The following RAP1GAP2 variants were observed in gnomAD, a reference collection of about 807,000 sequenced individuals.
RAP1GAP2 encodes the protein rap1 GTPase-activating protein 2.
RAP1GAP2 carries 27 observed loss-of-function variants against 95.0 expected under a neutral mutation model. The observed-to-expected ratio is 0.28, with a 90% CI of 0.21 to 0.39. RAP1GAP2 has a LOEUF of 0.39. Among genes scored for constraint, RAP1GAP2 ranks in the 10% least tolerant of loss-of-function variants. The pLI is 1.00. For missense variants in RAP1GAP2, 771 were observed against 970.0 expected (o/e 0.79, Z 2.72); for synonymous variants, 373 against 380.9 (o/e 0.98, Z 0.24).
intron 8 of RAP1GAP2, among the ~76,000 whole-genome samples, chr17:2,975,230 C>CA (rs995128103): frequency 4.6e-4 from 66 of 143,556 alleles, no homozygotes; most frequent in Admixed American, 2.2e-3. Context: ...GACTGCGTCT[C>CA]AAAAAAAAGA....
rs147088465 is a variant in RAP1GAP2 at position 2,932,005 on chromosome 17, T to G, written c.166-25754T>G. Reference sequence around the variant, plus strand: ...CAGCACAAAGATATATAATGATATATTCAGTTCTCAGTCCGGCGCATTTGA... The same window carrying G: ...CAGCACAAAGATATATAATGATATAGTCAGTTCTCAGTCCGGCGCATTTGA... On this transcript the variant is annotated intron_variant, in intron 3 of 24. Coordinates refer to ENST00000254695, the MANE Select transcript of RAP1GAP2 (RefSeq NM_015085.5). Among the ~76,000 whole-genome samples, 149 of 152,302 alleles carry G rather than the reference T, an allele frequency of 9.8e-4. 1 individual carries two copies. The highest frequency in any genetic ancestry group is 3.2e-3 in the African/African-American group (131 of 41,570).
At chr17:2,820,909 T>TG (rs2070272029) in intron 2 of RAP1GAP2, among the ~76,000 whole-genome samples, 1 of 146,718 alleles carries the variant, frequency 6.8e-6, no homozygotes, top group Non-Finnish European at 1.5e-5. Context: ...TTTTTTTTTT[T>TG]GTATTTTTAG....
At chr17:2,778,494 CT>C (rs2068560602) in intron 1 of RAP1GAP2, among the ~76,000 whole-genome samples, 1 of 152,090 alleles carries the variant, frequency 6.6e-6, no homozygotes, top group Non-Finnish European at 1.5e-5. Context: ...GACCCTGCTG[CT>C]GGAGGCACGC....
chr17:2,843,719 C>T (rs571152324), intron 2 of RAP1GAP2, among the ~76,000 whole-genome samples: 10 of 152,214 alleles, frequency 6.6e-5, no homozygotes, highest in Admixed American at 2.0e-4. Flanking sequence ...ACAAGAGCTT[C>T]GCCTTCCCAG....
At chr17:2,841,977 T>G (rs1386139794) in intron 2 of RAP1GAP2, among the ~76,000 whole-genome samples, 1 of 152,144 alleles carries the variant, frequency 6.6e-6, no homozygotes, top group East Asian at 1.9e-4. Context: ...CCTGTGCAAC[T>G]GGCCCTGTGG....
In RAP1GAP2 at chr17:2,867,325, C is replaced by T. The variant is rs745861893; in HGVS notation, c.81-37959C>T. Among the ~76,000 whole-genome samples, 8 of 152,178 alleles carry T rather than the reference C, an allele frequency of 5.3e-5. No individual in the cohort carries two copies. The East Asian group carries it at 5.8e-4, about 11-fold the overall frequency. On this transcript the variant is annotated intron_variant, in intron 2 of 24. Coordinates refer to ENST00000254695, the MANE Select transcript of RAP1GAP2 (RefSeq NM_015085.5). The surrounding 1 kb of genome is among the most constrained non-coding windows in gnomAD (Gnocchi z 4.5). The stretch of plus-strand genomic sequence containing the variant: ...AGGTAACTGGAAGGTTCAAGGGGGA[C>T]GGATTCAGGCCTGGCTGGATCGAGA...
intron 8 of RAP1GAP2, among the ~76,000 whole-genome samples, chr17:2,974,626 C>A (rs2045030552): frequency 6.6e-6 from 1 of 150,998 alleles, no homozygotes. Flanking sequence ...TAAAAGGAGG[C>A]TTGAACTAAA....
At chr17:2,790,523 C>G (rs1277098318) in intron 1 of RAP1GAP2, among the ~76,000 whole-genome samples, 1 of 152,220 alleles carries the variant, frequency 6.6e-6, no homozygotes, top group Non-Finnish European at 1.5e-5. Context: ...AGTAGGTCAC[C>G]TGCCCCCAGT....
intron 1 of RAP1GAP2, among the ~76,000 whole-genome samples, chr17:2,760,292 C>CAAAAAAAAAA (rs374784170): frequency 1.4e-4 from 8 of 59,236 alleles, no homozygotes; most frequent in East Asian, 1.0e-3. Flanking sequence ...GACTCTGTCT[C>CAAAAAAAAAA]AAAAAAAAAA....
At chr17:2,787,559 G>GT (rs1388369986) in intron 1 of RAP1GAP2, among the ~76,000 whole-genome samples, 1 of 151,886 alleles carries the variant, frequency 6.6e-6, no homozygotes, top group Admixed American at 6.6e-5. Context: ...CGCTGAGCCT[G>GT]TTTTTTTGTT....
At chr17:2,887,102 G>A (rs4790379) in intron 2 of RAP1GAP2, among the ~76,000 whole-genome samples, 44,179 of 151,492 alleles carry the variant, frequency 0.29, 7,200 homozygotes, top group Admixed American at 0.42. Context: ...ACAGGATCTC[G>A]CTCTGTTGCT....
chr17:2,974,597 AT>A (rs5818884), intron 8 of RAP1GAP2, among the ~76,000 whole-genome samples: 66,751 of 149,864 alleles, frequency 0.45, 15,166 homozygotes, highest in African/African-American at 0.53. Context: ...AAAAAGTGGG[AT>A]TTTTTTTTTT....
chr17:2,856,279 G>A (rs1431341835), intron 2 of RAP1GAP2, among the ~76,000 whole-genome samples: 2 of 152,110 alleles, frequency 1.3e-5, no homozygotes, highest in African/African-American at 2.4e-5. Context: ...GGGGGGTGGA[G>A]AGGAAAAGCC....
rs554461780 is a variant in RAP1GAP2, at chr17:3,027,315, C to T, written c.2107+245C>T. ...GAGTTGAAGGCCTTGTGGGAGATCC[C>T]ACAGCGGAGGAGTCGGGATTGGCAG... On this transcript the variant is annotated intron_variant, in intron 22 of 24. Coordinates refer to ENST00000254695, the MANE Select transcript of RAP1GAP2 (RefSeq NM_015085.5). The surrounding 1 kb of genome is among the most constrained non-coding windows in gnomAD (Gnocchi z 5.2). Among the ~76,000 whole-genome samples, 3 of 152,304 alleles carry T rather than the reference C, an allele frequency of 2.0e-5. No individual in the cohort carries two copies. The highest frequency in any genetic ancestry group is 2.0e-4 in the Admixed American group (3 of 15,300).
chr17:2,767,837 A>G (rs2068307128), intron 1 of RAP1GAP2, among the ~76,000 whole-genome samples: 1 of 150,402 alleles, frequency 6.6e-6, no homozygotes, highest in South Asian at 2.1e-4. Flanking sequence ...GGTTCACGCT[A>G]TTCTCCTGCC....
chr17:2,971,066 A>C (rs1327284363), intron 8 of RAP1GAP2, among the ~76,000 whole-genome samples: 2 of 152,168 alleles, frequency 1.3e-5, no homozygotes, highest in Non-Finnish European at 2.9e-5. Context: ...TCAATCCATC[A>C]ATCAGTCGAC....
chr17:2,777,781 G>A (rs1157016362), intron 1 of RAP1GAP2, among the ~76,000 whole-genome samples: 7 of 152,228 alleles, frequency 4.6e-5, no homozygotes, highest in African/African-American at 1.4e-4. Context: ...CATGGGGAAT[G>A]AGAGAGTTGT....
At chr17:2,796,213 G>A (rs1023624789), upstream of RAP1GAP2, among the ~76,000 whole-genome samples, 24 of 152,148 alleles carry the variant, frequency 1.6e-4, 1 homozygote, top group Admixed American at 1.4e-3. This position sits in a 1 kb window ranked among gnomAD's most constrained non-coding sequence, Gnocchi z 4.7. Context: ...GTGTGGGCCG[G>A]GCTGCTAACT....
intron 3 of RAP1GAP2, among the ~76,000 whole-genome samples, chr17:2,949,783 C>T (rs2043846950): frequency 1.3e-5 from 2 of 152,232 alleles, no homozygotes; most frequent in South Asian, 4.1e-4. Context: ...CCCGGCTGGC[C>T]TGAGTCACGC....
Sources: gnomAD v4.1 joint callset for allele counts (sites outside exome capture counted in the v4.1 genomes callset) on GRCh38, gnomAD v4.1.1 for gene constraint, Gnocchi (gnomAD v3.1) non-coding constraint, MANE v1.5 for transcripts, NCBI Gene and HGNC (gene_info 2026-07-23, HGNC 2026-07-21) for gene names.